Variants in PCDHGA2 observed in about 807,000 individuals in gnomAD.
The protein encoded by PCDHGA2 is protocadherin gamma subfamily A, 2.
PCDHGA2 carries 40 observed loss-of-function variants against 59.2 expected under a neutral mutation model. The observed-to-expected ratio is 0.68, with a 90% CI of 0.52 to 0.88. The LOEUF is 0.88. Among genes scored for constraint, PCDHGA2 ranks in the 40% least tolerant of loss-of-function variants. PCDHGA2 has a pLI of 0.00. For missense variants in PCDHGA2, 1,226 were observed against 1,204.0 expected (o/e 1.02, Z -0.27); for synonymous variants, 560 against 526.0 (o/e 1.06, Z -0.89).
intron 1 of PCDHGA2, among the ~76,000 whole-genome samples, chr5:141,456,859 A>C (rs2098893194): frequency 6.6e-6 from 1 of 152,152 alleles, no homozygotes; most frequent in Admixed American, 6.6e-5. Context: ...GCTAATTGGG[A>C]GGCTGAGGCA....
intron 1 of PCDHGA2, chr5:141,405,168 A>G: frequency 1.2e-6 from 2 of 1,613,960 alleles, no homozygotes. Flanking sequence ...CCCACCTCAC[A>G]CTTTGTGGGT....
chr5:141,478,700 C>T (rs1171617240), intron 1 of PCDHGA2: 2 of 1,549,172 alleles, frequency 1.3e-6, no homozygotes, highest in South Asian at 1.2e-5. Flanking sequence ...AAAGTTAGTG[C>T]CTTTGTGAGA....
At chr5:141,479,206 T>C (rs987807222) in intron 1 of PCDHGA2, 3 of 152,400 alleles carry the variant, frequency 2.0e-5, no homozygotes, top group African/African-American at 7.2e-5. Context: ...CAGAAAAGTA[T>C]TTAAAAAATT....
chr5:141,340,715 G>T lies in PCDHGA2; in HGVS notation c.1744G>T (p.Ala582Ser), dbSNP rs750919254. Residue 582 changes from alanine (A) to serine (S), a missense_variant, in exon 1 of 4, where the codon GCA (alanine) becomes TCA (serine). Physicochemically the swap from Ala to Ser is moderately conservative, Grantham distance 99. Transcript: ENST00000394576. ...STGVELAPRS[A>S]EPGYLVTKVV... ...TGGCGTGGAGCTGGCGCCCCGCTCC[G>T]CAGAGCCCGGCTACCTGGTGACCAA... 7 of 1,614,034 alleles carry T rather than the reference G, an allele frequency of 4.3e-6. No individual in the cohort carries two copies. Among genetic ancestry groups the T allele is most frequent in the Non-Finnish European group, 5.9e-6 (7 of 1,180,028 alleles).
rs768722501 is a variant in PCDHGA2 at position 141,352,217 on chromosome 5, A to G, written c.2424+10822A>G. The stretch of plus-strand genomic sequence containing the variant: ...TGGAGGACAGCCGCCACTCTCCGCC[A>G]CCGCCACGCTGCACCTAATCTTCGC... On this transcript the variant is annotated intron_variant, in intron 1 of 3. Transcript: ENST00000394576. 1.8e-5 allele frequency: 29 copies of G among 1,613,998 alleles called. No individual in the cohort carries two copies. The South Asian group carries it at 2.9e-4, about 16-fold the overall frequency.
At position 141,432,595 on chromosome 5, in the gene PCDHGA2, C is replaced by G; in HGVS notation, c.2425-62212C>G. 6.2e-7 allele frequency: 1 copy of G among 1,613,756 alleles called. No individual in the cohort carries two copies. Among genetic ancestry groups the G allele is most frequent in the Admixed American group, 1.7e-5 (1 of 60,018 alleles). ...TGTCCTACCGTCTGCTCAAGGCCAG[C>G]GAGCCGGGACTCTTCTCGGTGGGTC... On this transcript the variant is annotated intron_variant, in intron 1 of 3. Transcript: ENST00000394576. This position sits in a 1 kb window ranked among gnomAD's most constrained non-coding sequence, Gnocchi z 6.0.
intron 1 of PCDHGA2, chr5:141,375,081 T>C (rs1588758093): frequency 1.9e-6 from 3 of 1,613,960 alleles, no homozygotes; most frequent in Non-Finnish European, 2.5e-6. Context: ...AGAGCGAAAG[T>C]CTTAATAACT....
intron 1 of PCDHGA2, chr5:141,383,690 T>C: frequency 1.9e-6 from 3 of 1,614,010 alleles, no homozygotes; most frequent in Non-Finnish European, 2.5e-6. Flanking sequence ...CTGCTCACGG[T>C]ACATGCTATC....
At chr5:141,402,103 A>C (rs565155809) in intron 1 of PCDHGA2, among the ~76,000 whole-genome samples, 3 of 152,336 alleles carry the variant, frequency 2.0e-5, no homozygotes, top group African/African-American at 4.8e-5. Flanking sequence ...TTAAGCAATT[A>C]CAAAAATGTG....
At chr5:141,403,585 C>A in intron 1 of PCDHGA2, 1 of 1,613,894 alleles carries the variant, frequency 6.2e-7, no homozygotes, top group South Asian at 1.1e-5. Context: ...ACCACCTGGT[C>A]CTCACGGCCT....
At chr5:141,419,668 G>A (rs752237614) in intron 1 of PCDHGA2, 1 of 1,612,892 alleles carries the variant, frequency 6.2e-7, no homozygotes, top group East Asian at 2.2e-5. Context: ...ACAATGCCTG[G>A]CTGTCCTACC....
At chr5:141,350,903 G>T in intron 1 of PCDHGA2, 2 of 1,614,070 alleles carry the variant, frequency 1.2e-6, no homozygotes, top group East Asian at 4.5e-5. Context: ...CATGGATGGC[G>T]GGGACCCGCC....
intron 1 of PCDHGA2, chr5:141,390,730 A>T (rs964390196): frequency 2.0e-5 from 4 of 195,852 alleles, no homozygotes; most frequent in Non-Finnish European, 3.1e-5. Flanking sequence ...TTTAACTGGT[A>T]TGGTCTCCAT....
At chr5:141,361,278 A>C (rs776923636) in intron 1 of PCDHGA2, 5 of 1,614,014 alleles carry the variant, frequency 3.1e-6, no homozygotes, top group Non-Finnish European at 4.2e-6. Context: ...AAAATGGAGA[A>C]GTTTACTGCC....
chr5:141,371,555 A>C, intron 1 of PCDHGA2: 1 of 1,613,862 alleles, frequency 6.2e-7, no homozygotes, highest in Non-Finnish European at 8.5e-7. Context: ...GCCAACTAAA[A>C]GGAAACTTCC....
Position 141,431,534 on chromosome 5 carries a change from A to G in PCDHGA2, c.2425-63273A>G, listed in dbSNP as rs1331176313. Reference sequence around the variant, plus strand: ...CGTTCCGGAGAATCTGGCCTTGGGCACGCAGCTGCTTGTAGTCAACGCTAC... The same window carrying G: ...CGTTCCGGAGAATCTGGCCTTGGGCGCGCAGCTGCTTGTAGTCAACGCTAC... On this transcript the variant is annotated intron_variant, in intron 1 of 3. Coordinates refer to ENST00000394576, the MANE Select transcript of PCDHGA2 (RefSeq NM_018915.4). This position sits in a 1 kb window ranked among gnomAD's most constrained non-coding sequence, Gnocchi z 4.8. The G allele has an allele frequency of 1.2e-6, 2 of 1,614,110 alleles. No individual in the cohort carries two copies. The highest frequency in any genetic ancestry group is 8.5e-7 in the Non-Finnish European group (1 of 1,180,042).
chr5:141,403,749 C>T (rs759577178), intron 1 of PCDHGA2: 2 of 1,613,652 alleles, frequency 1.2e-6, no homozygotes, highest in Non-Finnish European at 1.7e-6. Context: ...ACTGCAACAG[C>T]CAGCGACCTG....
At chr5:141,415,688 T>C (rs373105795) in intron 1 of PCDHGA2, 1 of 1,546,006 alleles carries the variant, frequency 6.5e-7, no homozygotes, top group Admixed American at 2.0e-5. Context: ...GGCATGATGG[T>C]GGAAAGTGTA....
rs530404769 is a variant in PCDHGA2, at chr5:141,423,267, G to C, written c.2425-71540G>C. On this transcript the variant is annotated intron_variant, in intron 1 of 3. Coordinates refer to ENST00000394576, the MANE Select transcript of PCDHGA2 (RefSeq NM_018915.4). ...TCCTGGCGGACCTCGGCAGCCTCGA[G>C]TCTCTGGCTAACTCTGAAACCTCAG... The C allele has an allele frequency of 2.5e-6, 4 of 1,613,710 alleles. No individual in the cohort carries two copies. In the South Asian group the frequency reaches 4.4e-5, roughly 18 times the overall value.
Sources: gnomAD v4.1 joint callset for allele counts (sites outside exome capture counted in the v4.1 genomes callset) on GRCh38, gnomAD v4.1.1 for gene constraint, Gnocchi (gnomAD v3.1) non-coding constraint, MANE v1.5 for transcripts, NCBI Gene and HGNC (gene_info 2026-07-23, HGNC 2026-07-21) for gene names.